TRDN: variants seen among roughly 807,000 people sequenced by gnomAD.
TRDN encodes the protein triadin in skeletal muscle.
TRDN carries 161 observed loss-of-function variants against 149.7 expected under a neutral mutation model. The observed-to-expected ratio is 1.08, with a 90% CI of 0.95 to 1.23. The LOEUF (loss-of-function observed/expected upper bound fraction) is 1.23, where lower values mean the gene tolerates loss of function less well. Ranked by LOEUF, TRDN falls within the 50% of genes most tolerant of loss-of-function variation. The pLI, the probability that TRDN is intolerant of heterozygous loss-of-function variation, is 0.00. For synonymous variants in TRDN, 294 were observed against 250.5 expected (o/e 1.17, Z -1.64); for missense variants, 896 against 823.5 (o/e 1.09, Z -1.08).
intron 9 of TRDN, among the ~76,000 whole-genome samples, chr6:123,472,362 C>A (rs187563800): frequency 6.6e-6 from 1 of 152,220 alleles, no homozygotes; most frequent in Non-Finnish European, 1.5e-5. Flanking sequence ...CCGAATACTG[C>A]GCTTTTCCGA....
intron 17 of TRDN, 57 bp from the exon 18 acceptor site, chr6:123,377,799 C>A: frequency 6.2e-7 from 1 of 1,602,042 alleles, no homozygotes; most frequent in South Asian, 1.1e-5. Context: ...AATTGTAATT[C>A]AGTATTCAAT....
intron 23 of TRDN, among the ~76,000 whole-genome samples, chr6:123,326,179 C>T (rs1295932592): frequency 2.0e-5 from 3 of 152,022 alleles, no homozygotes; most frequent in Non-Finnish European, 4.4e-5. Context: ...GAAATCGCAC[C>T]CATGCATGGC....
chr6:123,380,463 G>A lies in TRDN; in HGVS notation c.1186+907C>T, dbSNP rs570001542. 7.9e-5 allele frequency among the ~76,000 whole-genome samples: 12 copies of A among 152,262 alleles called. No homozygotes were observed. In the South Asian group the frequency reaches 1.9e-3, roughly 24 times the overall value. ...TGCACACACGTAAATCTGGAACTGA[G>A]AGAACTCTCTGTAGATGGATTGCTC... On this transcript the variant is annotated intron_variant, in intron 16 of 40. Coordinates refer to ENST00000334268, the MANE Select transcript of TRDN (RefSeq NM_006073.4).
intron 24 of TRDN, among the ~76,000 whole-genome samples, chr6:123,294,639 A>G (rs991151569): frequency 1.3e-5 from 2 of 152,250 alleles, no homozygotes; most frequent in South Asian, 2.1e-4. Context: ...TCTAACAGGA[A>G]GTGTAGATCA....
chr6:123,446,814 C>G (rs1462683260), intron 10 of TRDN, among the ~76,000 whole-genome samples: 3 of 152,022 alleles, frequency 2.0e-5, no homozygotes, highest in Admixed American at 6.6e-5. Context: ...AAAACTTTGG[C>G]TGTTGCTAGG....
chr6:123,386,940 T>A (rs1781926779), intron 14 of TRDN, among the ~76,000 whole-genome samples: 1 of 152,198 alleles, frequency 6.6e-6, no homozygotes, highest in Non-Finnish European at 1.5e-5. Context: ...TGTTTAGGCC[T>A]TGGTCATGAC....
chr6:123,516,076 T>C (rs570227286), intron 6 of TRDN, 65 bp downstream of exon 6: 130 of 1,336,240 alleles, frequency 9.7e-5, no homozygotes, highest in Non-Finnish European at 1.1e-4. Flanking sequence ...AATCTGAATG[T>C]AAAGAGTAGG....
intron 7 of TRDN, among the ~76,000 whole-genome samples, chr6:123,504,904 T>C (rs1281325559): frequency 6.6e-6 from 1 of 152,198 alleles, no homozygotes. Flanking sequence ...GAATCCTCTA[T>C]GTCATTTGCT....
At chr6:123,222,346 A>T (rs1775180345) in intron 39 of TRDN, among the ~76,000 whole-genome samples, 1 of 151,708 alleles carries the variant, frequency 6.6e-6, no homozygotes, top group Admixed American at 6.6e-5. Flanking sequence ...CAATTGATTT[A>T]TTTATATAAA....
At chr6:123,249,659 A>G (rs976384146) in intron 38 of TRDN, among the ~76,000 whole-genome samples, 6 of 152,136 alleles carry the variant, frequency 3.9e-5, no homozygotes, top group Non-Finnish European at 8.8e-5. Context: ...GCCCATCATC[A>G]TACGTGAAAT....
intron 1 of TRDN, among the ~76,000 whole-genome samples, chr6:123,612,815 C>G (rs1784886720): frequency 6.6e-6 from 1 of 152,258 alleles, no homozygotes; most frequent in South Asian, 2.1e-4. Context: ...TTTTCTTTGA[C>G]TTTCTCACAG....
chr6:123,301,887 G>T (rs1388406424), intron 24 of TRDN, among the ~76,000 whole-genome samples: 1 of 147,916 alleles, frequency 6.8e-6, no homozygotes, highest in East Asian at 2.0e-4. Flanking sequence ...TCATATGGCG[G>T]TCTGCGTGTA....
At chr6:123,537,799 A>C (rs1780624950) in intron 4 of TRDN, among the ~76,000 whole-genome samples, 1 of 152,208 alleles carries the variant, frequency 6.6e-6, no homozygotes, top group South Asian at 2.1e-4. Context: ...ATTCCTGTGA[A>C]TGAGCTGATT....
rs953539084 is a variant in TRDN at position 123,619,353 on chromosome 6, A to G, written c.22+17401T>C. Among the ~76,000 whole-genome samples the G allele has an allele frequency of 5.3e-5, 8 of 152,054 alleles. No homozygotes were observed. The East Asian group carries it at 5.8e-4, about 11-fold the overall frequency. On this transcript the variant is annotated intron_variant, in intron 1 of 40. Coordinates refer to ENST00000334268, the MANE Select transcript of TRDN (RefSeq NM_006073.4). ...TCCATTATCAAGATGACTCATTCAC[A>G]TTGCTGGAAAGTTGGTGCTGGCTGT...
chr6:123,606,289 C>T (rs1218822899), intron 1 of TRDN, among the ~76,000 whole-genome samples: 1 of 152,018 alleles, frequency 6.6e-6, no homozygotes, highest in Non-Finnish European at 1.5e-5. Context: ...TCCATACATA[C>T]ATATACATAC....
chr6:123,582,638 G>T (rs547942868), intron 1 of TRDN, among the ~76,000 whole-genome samples: 1 of 152,190 alleles, frequency 6.6e-6, no homozygotes, highest in South Asian at 2.1e-4. Context: ...CTTCTTTTAT[G>T]GTGGAATGTT....
chr6:123,273,314 T>C (rs992619698), intron 28 of TRDN, 23 bp downstream of exon 28: 24 of 1,083,768 alleles, frequency 2.2e-5, no homozygotes, highest in Non-Finnish European at 3.0e-5. Context: ...AGTCTAAGCA[T>C]AAAAGATAAA....
intron 23 of TRDN, among the ~76,000 whole-genome samples, chr6:123,325,705 A>G (rs1267698445): frequency 1.3e-5 from 2 of 152,110 alleles, no homozygotes; most frequent in Non-Finnish European, 2.9e-5. Flanking sequence ...TAATCACTGG[A>G]CACTGGAATA....
chr6:123,240,405 G>A (rs1192709211), intron 38 of TRDN, among the ~76,000 whole-genome samples: 4 of 151,400 alleles, frequency 2.6e-5, no homozygotes, highest in Non-Finnish European at 5.9e-5. Flanking sequence ...GAAATGGGAA[G>A]GTCTTTTTTT....
Sources: gnomAD v4.1 joint callset for allele counts (sites outside exome capture counted in the v4.1 genomes callset) on GRCh38, gnomAD v4.1.1 for gene constraint, MANE v1.5 for transcripts, NCBI Gene and HGNC (gene_info 2026-07-23, HGNC 2026-07-21) for gene names.